IQANK1: variants seen among roughly 807,000 people sequenced by gnomAD.
IQANK1 encodes IQ motif and ankyrin repeat containing 1, also known as IQ motif and ankyrin repeat domain-containing protein 1.
In IQANK1, 30 loss-of-function variants were observed where a neutral mutation model predicts 22.6. The observed-to-expected ratio is 1.33, with a 90% CI of 0.99 to 1.80. The LOEUF (loss-of-function observed/expected upper bound fraction) is 1.80. Among genes scored for constraint, IQANK1 ranks in the 40% most tolerant of loss-of-function variants. The pLI is 0.00. For synonymous variants in IQANK1, 122 were observed against 99.6 expected (o/e 1.23, Z -1.34); for missense variants, 275 against 235.2 (o/e 1.17, Z -1.11).
At position 143,771,086 on chromosome 8, in the gene IQANK1, T is replaced by TG. The variant is rs1819561154; in HGVS notation, c.176-398dup. Among the ~76,000 whole-genome samples the TG allele has an allele frequency of 6.6e-6, 1 of 152,174 alleles. No homozygotes were observed. The highest frequency in any genetic ancestry group is 6.5e-5 in the Admixed American group (1 of 15,286). On this transcript the variant is annotated intron_variant, in intron 3 of 13. Transcript: ENST00000527139. This position sits in a 1 kb window ranked among gnomAD's most constrained non-coding sequence, Gnocchi z 6.0. ...GGGCTGTGATGAGCCCTCCCAGGCC[T>TG]GGGGCCCCCCCGCTCAGTCCAGCCT...
At position 143,772,389 on chromosome 8, in the gene IQANK1, A is replaced by G. The variant is rs1819597002; in HGVS notation, c.696A>G (p.Ala232=). ...TCGGTCCGACGCCGCTGTACCGTGC[A>G]GCCTTTGGGGGCCACCTGGCAGCTG... The part of the protein sequence containing the change: ...GAFGPTPLYR[A]AFGGHLAAVE... Residue 232 remains alanine, a synonymous_variant, in exon 7 of 14, where the codon GCA becomes GCG. Coordinates refer to ENST00000527139, the MANE Select transcript of IQANK1 (RefSeq NM_001381874.1). The G allele has an allele frequency of 7.5e-6, 3 of 399,240 alleles. No individual in the cohort carries two copies. The highest frequency in any genetic ancestry group is 6.2e-5 in the African/African-American group (3 of 48,624). The allele number at this position is 399,240 out of a possible 1,614,324, so 24.7% of individuals were successfully genotyped here. A position where few individuals can be genotyped will look rare whatever the true frequency, so the allele number is the denominator to read the frequency against.
rs541831107 is a variant in IQANK1, at chr8:143,774,842, A to T, written c.789+2360A>T. The stretch of plus-strand genomic sequence containing the variant: ...ATAAAACGGTGTGCACACATGATCC[A>T]TGCAACAACTAGCAACGTGGAGAAA... On this transcript the variant is annotated intron_variant, in intron 7 of 13. Transcript: ENST00000527139. This position sits in a 1 kb window ranked among gnomAD's most constrained non-coding sequence, Gnocchi z 4.2. Among the ~76,000 whole-genome samples, 2 of 152,306 alleles carry T rather than the reference A, an allele frequency of 1.3e-5. No individual in the cohort carries two copies. Among genetic ancestry groups the T allele is most frequent in the South Asian group, 4.1e-4 (2 of 4,820 alleles).
At chr8:143,748,941 A>G (rs1215534184) in intron 3 of IQANK1, among the ~76,000 whole-genome samples, 1 of 113,054 alleles carries the variant, frequency 8.8e-6, no homozygotes, top group Non-Finnish European at 1.6e-5. Flanking sequence ...AAAAATATAT[A>G]CATATATCTA....
Position 143,790,257 on chromosome 8 carries a change from G to C in IQANK1, c.1410G>C (p.Leu470=). 8.1e-7 allele frequency: 1 copy of C among 1,232,184 alleles called. No individual in the cohort carries two copies. 76.3% of individuals were successfully genotyped at this position (1,232,184 alleles called of 1,614,324 possible). ...GGCCGGAGACGATGTGGCTGGCTCT[G>C]CTGGGGGCTCTGCGGTGAGGCAGGC... ...PLRPETMWLA[L]LGALRYGKPL... The change falls in exon 13 of 14, where the codon CTG becomes CTC. Residue 470 remains leucine (L), a synonymous_variant. Transcript: ENST00000527139.
At chr8:143,737,775 C>T (rs1554625876) in intron 2 of IQANK1, among the ~76,000 whole-genome samples, 1 of 152,194 alleles carries the variant, frequency 6.6e-6, no homozygotes, top group African/African-American at 2.4e-5. Flanking sequence ...AGCTGCTCCT[C>T]CTGTAGCTGC....
chr8:143,771,540 C>A lies in IQANK1; in HGVS notation c.228C>A (p.Leu76=), dbSNP rs1303946266. 5 of 398,058 alleles carry A rather than the reference C, an allele frequency of 1.3e-5. No individual in the cohort carries two copies. Among genetic ancestry groups the A allele is most frequent in the African/African-American group, 1.0e-4 (5 of 48,604 alleles). 24.7% of individuals were successfully genotyped at this position (398,058 alleles called of 1,614,324 possible). A position where few individuals can be genotyped will look rare whatever the true frequency, so the allele number is the denominator to read the frequency against. Residue 76 remains leucine, a synonymous_variant, in exon 4 of 14, where the codon CTC becomes CTA. Transcript: ENST00000527139. This position sits in a 1 kb window ranked among gnomAD's most constrained non-coding sequence, Gnocchi z 6.0. The part of the protein sequence containing the change: ...ARAIQGAFRQ[L]RARRELARRR... ...CGATCCAGGGCGCCTTCCGGCAGCT[C>A]CGGGCCAGGAGGGAGCTCGCCCGCC... is the stretch of plus-strand genomic sequence containing the variant.
intron 7 of IQANK1, among the ~76,000 whole-genome samples, chr8:143,773,612 C>T (rs1401765952): frequency 1.3e-5 from 2 of 152,136 alleles, no homozygotes; most frequent in African/African-American, 4.8e-5. Flanking sequence ...GCCTCTGGCC[C>T]ACGGCAGACA....
chr8:143,756,198 A>C (rs1803889592), intron 3 of IQANK1, among the ~76,000 whole-genome samples: 1 of 152,168 alleles, frequency 6.6e-6, no homozygotes, highest in Non-Finnish European at 1.5e-5. Flanking sequence ...AGCATTAACT[A>C]CCACCAGGAA....
intron 3 of IQANK1, among the ~76,000 whole-genome samples, chr8:143,755,898 TG>T (rs781994332): frequency 5.7e-4 from 87 of 152,222 alleles, no homozygotes; most frequent in Non-Finnish European, 1.0e-3. Flanking sequence ...GTGGCAGCCT[TG>T]GGGGGAGGAA....
intron 3 of IQANK1, among the ~76,000 whole-genome samples, chr8:143,756,976 T>TA (rs200345688): frequency 0.23 from 34,102 of 147,398 alleles, 4,062 homozygotes; most frequent in East Asian, 0.51. Context: ...GGACCCTGTC[T>TA]AAAAAAAAAA....
Position 143,789,477 on chromosome 8 carries a change from G to C in IQANK1, c.1035G>C (p.Glu345Asp). ...AYCELSRRIS[E>D]HDQCEWRCMD... ...GTGAGCTTAGCCGGAGGATCTCAGAGCACGACCAGTGTGAGTGGAGGTGCA... is the reference window on the plus strand; with the variant it reads ...GTGAGCTTAGCCGGAGGATCTCAGACCACGACCAGTGTGAGTGGAGGTGCA... The change falls in exon 10 of 14, where the codon GAG (glutamate) becomes GAC (aspartate). Residue 345 changes from glutamate to aspartate, a missense_variant. Transcript: ENST00000527139. 8.1e-7 allele frequency: 1 copy of C among 1,232,274 alleles called. No individual in the cohort carries two copies. The highest frequency in any genetic ancestry group is 1.0e-6 in the Non-Finnish European group (1 of 988,174). The allele number at this position is 1,232,274 out of a possible 1,614,324, so 76.3% of individuals were successfully genotyped here.
chr8:143,742,407 C>T (rs1554626671), intron 3 of IQANK1: 1 of 456,048 alleles, frequency 2.2e-6, no homozygotes, highest in Non-Finnish European at 4.4e-6. Flanking sequence ...CCCAGCCTTT[C>T]CTCTGCATTG....
intron 3 of IQANK1, chr8:143,742,870 G>A: frequency 2.2e-6 from 1 of 456,118 alleles, no homozygotes; most frequent in Non-Finnish European, 4.4e-6. Flanking sequence ...GGTGCTAAGG[G>A]GCCTGGCAAG....
chr8:143,779,886 T>C (rs1407832863), intron 7 of IQANK1, among the ~76,000 whole-genome samples: 1 of 152,238 alleles, frequency 6.6e-6, no homozygotes, highest in African/African-American at 2.4e-5. Flanking sequence ...AGTTACAAAA[T>C]CATTGCCTCA....
intron 3 of IQANK1, among the ~76,000 whole-genome samples, chr8:143,754,312 TCC>T (rs1382469558): frequency 6.6e-6 from 1 of 152,188 alleles, no homozygotes; most frequent in African/African-American, 2.4e-5. Context: ...TTCGGCCGTA[TCC>T]GTGGGTCAGG....
chr8:143,747,692 A>G (rs1176210556), intron 3 of IQANK1, among the ~76,000 whole-genome samples: 1 of 151,636 alleles, frequency 6.6e-6, no homozygotes, highest in Non-Finnish European at 1.5e-5. Flanking sequence ...TGAATTTTCC[A>G]CTTTTACTTC....
In IQANK1 at chr8:143,741,245, G is replaced by A. The variant is rs148512481; in HGVS notation, c.175+1297G>A. On this transcript the variant is annotated intron_variant, in intron 3 of 13. Coordinates refer to ENST00000527139, the MANE Select transcript of IQANK1 (RefSeq NM_001381874.1). ...GACAGCCCCGCCTCACTGGCTAGGC[G>A]TCTGGGGGCCTCAGCCGCTCTGCGG... Among the ~76,000 whole-genome samples, 915 of 152,334 alleles carry A rather than the reference G, an allele frequency of 6.0e-3. 13 individuals carry two copies. The highest frequency in any genetic ancestry group is 0.02 in the African/African-American group (840 of 41,568).
intron 3 of IQANK1, among the ~76,000 whole-genome samples, chr8:143,749,751 T>C (rs375942906): frequency 1.3e-5 from 2 of 150,120 alleles, no homozygotes; most frequent in African/African-American, 2.4e-5. Context: ...TTTGTGGAGA[T>C]GGTGTTTCGC....
chr8:143,781,941 A>G (rs183408048), intron 7 of IQANK1, among the ~76,000 whole-genome samples: 3 of 152,312 alleles, frequency 2.0e-5, no homozygotes, highest in South Asian at 2.1e-4. Flanking sequence ...GATTCTTCCT[A>G]TCCGTGAGCA....
Sources: allele counts gnomAD v4.1 joint callset (sites outside exome capture counted in the v4.1 genomes callset), GRCh38; gene constraint gnomAD v4.1.1; non-coding constraint Gnocchi (gnomAD v3.1); transcripts MANE v1.5; gene names NCBI Gene and HGNC (gene_info 2026-07-23, HGNC 2026-07-21).